MYO3B: variants seen among roughly 807,000 people sequenced by gnomAD.
MYO3B encodes myosin IIIB, also known as myosin-IIIb.
In MYO3B, 156 loss-of-function variants were observed where a neutral mutation model predicts 174.6. The ratio of observed to expected loss-of-function variants is 0.89; its 90% confidence interval spans 0.78 to 1.02. The LOEUF (loss-of-function observed/expected upper bound fraction) is 1.02. MYO3B is among the 50% of genes least tolerant of loss of function. The probability of loss-of-function intolerance (pLI) is 0.00; values close to 1 mark genes in which losing one functional copy is unlikely to be tolerated. For missense variants in MYO3B, 1,632 were observed against 1,639.4 expected (o/e 1.00, Z 0.08); for synonymous variants, 563 against 569.1 (o/e 0.99, Z 0.15).
At chr2:170,580,718 A>ATATATATGTATG (rs768974458) in intron 32 of MYO3B, among the ~76,000 whole-genome samples, 2 of 142,702 alleles carry the variant, frequency 1.4e-5, no homozygotes, top group Non-Finnish European at 3.0e-5. Context: ...AACCTTATAT[A>ATATATATGTATG]TGTGTGTGTG....
At chr2:170,325,281 C>A (rs13313746) in intron 7 of MYO3B, among the ~76,000 whole-genome samples, 17,751 of 151,994 alleles carry the variant, frequency 0.12, 2,265 homozygotes, top group African/African-American at 0.32. Context: ...AATCTTGGCT[C>A]ACTGCAACCT....
chr2:170,297,325 C>G (rs1211299202), intron 7 of MYO3B, among the ~76,000 whole-genome samples: 2 of 135,164 alleles, frequency 1.5e-5, no homozygotes, highest in Non-Finnish European at 1.7e-5. Context: ...CAATGACATG[C>G]ACCCACAGAC....
At chr2:170,465,688 C>A (rs1684578220) in intron 24 of MYO3B, among the ~76,000 whole-genome samples, 1 of 152,210 alleles carries the variant, frequency 6.6e-6, no homozygotes, top group Non-Finnish European at 1.5e-5. Context: ...GAAATATACC[C>A]ATACAACCAG....
chr2:170,636,778 T>G (rs1697521121), intron 32 of MYO3B, among the ~76,000 whole-genome samples: 1 of 152,160 alleles, frequency 6.6e-6, no homozygotes, highest in South Asian at 2.1e-4. Context: ...TGTTAATATT[T>G]TATTTGACTA....
At chr2:170,231,545 C>T (rs139311775) in intron 6 of MYO3B, among the ~76,000 whole-genome samples, 3 of 152,354 alleles carry the variant, frequency 2.0e-5, no homozygotes, top group Non-Finnish European at 4.4e-5. Flanking sequence ...TGTAGTCTAA[C>T]TGTACCAGAA....
At chr2:170,331,039 C>T (rs2093908434) in intron 7 of MYO3B, among the ~76,000 whole-genome samples, 2 of 152,112 alleles carry the variant, frequency 1.3e-5, no homozygotes, top group South Asian at 4.1e-4. Context: ...TGAGTAGGAG[C>T]CTGCCAGGTG....
chr2:170,336,999 A>G (rs1378355984), intron 8 of MYO3B, among the ~76,000 whole-genome samples: 1 of 151,526 alleles, frequency 6.6e-6, no homozygotes, highest in African/African-American at 2.4e-5. Context: ...GGTGGAGGGT[A>G]TCTCGTTGCC....
At chr2:170,539,685 T>C (rs540959042) in intron 30 of MYO3B, among the ~76,000 whole-genome samples, 35 of 151,968 alleles carry the variant, frequency 2.3e-4, no homozygotes, top group Non-Finnish European at 4.1e-4. Flanking sequence ...AGTGGTGCGA[T>C]CTTGGCTCAG....
intron 32 of MYO3B, among the ~76,000 whole-genome samples, chr2:170,588,107 A>G (rs554040917): frequency 6.6e-6 from 1 of 152,222 alleles, no homozygotes; most frequent in South Asian, 2.1e-4. Context: ...ATCTGGCACT[A>G]TGAGAACCCC....
chr2:170,347,320 G>C (rs2094023842), intron 8 of MYO3B, among the ~76,000 whole-genome samples: 1 of 152,082 alleles, frequency 6.6e-6, no homozygotes, highest in Non-Finnish European at 1.5e-5. Context: ...TCAAGTGATG[G>C]GGGGCCAGGT....
chr2:170,577,368 T>C (rs185597110), intron 32 of MYO3B, among the ~76,000 whole-genome samples: 1 of 151,440 alleles, frequency 6.6e-6, no homozygotes, highest in African/African-American at 2.4e-5. Context: ...TGGGCCTTAT[T>C]ATACATCTGT....
intron 32 of MYO3B, among the ~76,000 whole-genome samples, chr2:170,625,407 G>A (rs1256357210): frequency 6.6e-6 from 1 of 152,134 alleles, no homozygotes; most frequent in African/African-American, 2.4e-5. Context: ...GGGATCCGTG[G>A]TGATATGCCC....
chr2:170,383,542 T>C (rs2094351380), intron 11 of MYO3B, among the ~76,000 whole-genome samples, 168 bp from the exon 12 acceptor site: 1 of 152,280 alleles, frequency 6.6e-6, no homozygotes, highest in African/African-American at 2.4e-5. Context: ...CCAGTAAGTA[T>C]AGAAGTGAAA....
chr2:170,646,954 AT>A, intron 32 of MYO3B: 1 of 1,329,956 alleles, frequency 7.5e-7, no homozygotes, highest in Non-Finnish European at 1.0e-6. Context: ...ATATCTTTCA[AT>A]TGTTTTTATC....
At chr2:170,442,815 C>G (rs1415247034) in intron 22 of MYO3B, among the ~76,000 whole-genome samples, 1 of 152,202 alleles carries the variant, frequency 6.6e-6, no homozygotes, top group Admixed American at 6.5e-5. Flanking sequence ...ATCCATGTCA[C>G]TACAAAGGAC....
chr2:170,205,309 C>T (rs2092702674), intron 3 of MYO3B, among the ~76,000 whole-genome samples: 1 of 152,126 alleles, frequency 6.6e-6, no homozygotes, highest in South Asian at 2.1e-4. Flanking sequence ...AATGGCCACA[C>T]TTAAAGTAGG....
rs2094224617 is a variant in MYO3B at position 170,369,524 on chromosome 2, C to A, written c.971+147C>A. On this transcript the variant is annotated intron_variant, in intron 9 of 34. Coordinates refer to ENST00000408978, the MANE Select transcript of MYO3B (RefSeq NM_138995.5). ...TTTACATGACATTAAGTACTCCATGCCCAGTGGATGAGAGCAGGAGAACTT... is the reference window on the plus strand; with the variant it reads ...TTTACATGACATTAAGTACTCCATGACCAGTGGATGAGAGCAGGAGAACTT... 3 of 863,408 alleles carry A rather than the reference C, an allele frequency of 3.5e-6. No individual in the cohort carries two copies. The East Asian group carries it at 8.2e-5, about 23-fold the overall frequency. 53.5% of individuals were successfully genotyped at this position (863,408 alleles called of 1,614,324 possible). A position where few individuals can be genotyped will look rare whatever the true frequency, so the allele number is the denominator to read the frequency against.
At chr2:170,640,546 G>A (rs1203050870) in intron 32 of MYO3B, 1 of 152,190 alleles carries the variant, frequency 6.6e-6, no homozygotes, top group Non-Finnish European at 1.5e-5. Context: ...GACTCTTGAT[G>A]ACGTATGGAT....
chr2:170,648,716 TAATATGTAA>T (rs368090309), intron 32 of MYO3B, among the ~76,000 whole-genome samples: 4,879 of 55,148 alleles, frequency 0.088, 4 homozygotes, highest in Middle Eastern at 0.13. Context: ...ATATTCTATA[TAATATGTAA>T]AATATATATT....
Sources: gnomAD v4.1 joint callset for allele counts (sites outside exome capture counted in the v4.1 genomes callset) on GRCh38, gnomAD v4.1.1 for gene constraint, MANE v1.5 for transcripts, NCBI Gene and HGNC (gene_info 2026-07-23, HGNC 2026-07-21) for gene names.